Variants in GABRB1 observed in about 807,000 individuals in gnomAD.
The protein encoded by GABRB1 is gamma-aminobutyric acid type A receptor subunit beta1, also known as gamma-aminobutyric acid receptor subunit beta-1.
Under a neutral mutation model 51.6 loss-of-function variants are expected in GABRB1, and 17 were observed. The observed-to-expected ratio is 0.33, with a 90% CI of 0.23 to 0.49. GABRB1 has a LOEUF of 0.49. Among genes scored for constraint, GABRB1 ranks in the 20% least tolerant of loss-of-function variants. The pLI is 0.99. For missense variants in GABRB1, 410 were observed against 600.6 expected (o/e 0.68, Z 3.32); for synonymous variants, 247 against 218.9 (o/e 1.13, Z -1.14).
rs971420946 is a variant in GABRB1, at chr4:46,997,199, T to C, written c.-20+3273T>C. ...TTTTATCTTCACTCATTTCTTATTGTATGTATTTGAGGTATACAACAAGAT... is the reference window on the plus strand; with the variant it reads ...TTTTATCTTCACTCATTTCTTATTGCATGTATTTGAGGTATACAACAAGAT... On this transcript the variant is annotated intron_variant, in intron 1 of 3. Transcript: ENST00000513567. Among the ~76,000 whole-genome samples the C allele has an allele frequency of 1.8e-4, 28 of 152,072 alleles. 1 individual carries two copies. Among genetic ancestry groups the C allele is most frequent in the African/African-American group, 6.8e-4 (28 of 41,446 alleles).
At chr4:47,132,025 GT>G (rs922221749) in intron 3 of GABRB1, among the ~76,000 whole-genome samples, 1 of 151,826 alleles carries the variant, frequency 6.6e-6, no homozygotes, top group African/African-American at 2.4e-5. Context: ...GAATTTTCAT[GT>G]TTTTTTAAAC....
At chr4:47,037,557 G>GT (rs11436333) in intron 3 of GABRB1, among the ~76,000 whole-genome samples, 122,631 of 143,770 alleles carry the variant, frequency 0.85, 52,709 homozygotes, top group East Asian at 0.99. Context: ...GTTGTTTTTT[G>GT]TTTTTTTTTT....
chr4:47,373,799 C>T (rs1005559071), intron 5 of GABRB1, among the ~76,000 whole-genome samples: 2 of 151,960 alleles, frequency 1.3e-5, no homozygotes, highest in Admixed American at 6.6e-5. Context: ...GACACAGATA[C>T]ATAAAATTTG....
At chr4:47,411,374 T>C (rs1038761426) in intron 8 of GABRB1, among the ~76,000 whole-genome samples, 5 of 152,114 alleles carry the variant, frequency 3.3e-5, no homozygotes, top group African/African-American at 1.2e-4. Context: ...GGGCATTAGG[T>C]TGAGTGAAAA....
intron 4 of GABRB1, among the ~76,000 whole-genome samples, chr4:47,286,761 A>T (rs779896300): frequency 2.0e-5 from 3 of 152,240 alleles, no homozygotes; most frequent in African/African-American, 7.2e-5. Flanking sequence ...TGTTCAATGT[A>T]GACAATAAAT....
intron 3 of GABRB1, among the ~76,000 whole-genome samples, chr4:47,119,163 G>T (rs1204011179): frequency 6.6e-6 from 1 of 152,146 alleles, no homozygotes; most frequent in Non-Finnish European, 1.5e-5. Context: ...ATAGAATGGA[G>T]AGAGAATTAC....
chr4:47,396,495 T>C (rs963350018), intron 5 of GABRB1, among the ~76,000 whole-genome samples: 2 of 152,194 alleles, frequency 1.3e-5, no homozygotes, highest in Non-Finnish European at 2.9e-5. Context: ...GTATGCACAT[T>C]CTTCACAATT....
Position 47,358,756 on chromosome 4 carries a change from A to G in GABRB1, c.544+38547A>G, listed in dbSNP as rs564972864. Among the ~76,000 whole-genome samples the G allele has an allele frequency of 4.6e-5, 7 of 152,302 alleles. No homozygotes were observed. In the South Asian group the frequency reaches 1.0e-3, roughly 23 times the overall value. On this transcript the variant is annotated intron_variant, in intron 5 of 8. Coordinates refer to ENST00000295454, the MANE Select transcript of GABRB1 (RefSeq NM_000812.4). ...TGAATTTAGCGGTAGAGAAAACACA[A>G]TTCAGCCCATAACAGTAGTAATTTC...
chr4:47,313,322 C>A (rs1181600761), intron 4 of GABRB1, among the ~76,000 whole-genome samples: 2 of 152,086 alleles, frequency 1.3e-5, no homozygotes, highest in Non-Finnish European at 2.9e-5. Flanking sequence ...TTTTCACACA[C>A]CAGAATGAAA....
Position 47,031,727 on chromosome 4 carries a change from C to T in GABRB1, c.76C>T (p.His26Tyr). 6.2e-7 allele frequency: 1 copy of T among 1,612,832 alleles called. No homozygotes were observed. The highest frequency in any genetic ancestry group is 2.2e-5 in the East Asian group (1 of 44,846). The change falls in exon 1 of 9, where the codon CAC becomes TAC. Residue 26 changes from histidine (H) to tyrosine (Y), a missense_variant. Transcript: ENST00000295454. Reference sequence around the variant, plus strand: ...GATGATTACCATGGTCTGTTGTGCACACAGGTGAGCTGCTGTTGTTGAATC... The same window carrying T: ...GATGATTACCATGGTCTGTTGTGCATACAGGTGAGCTGCTGTTGTTGAATC... ...PVMITMVCCA[H>Y]STNEPSNMSY...
intron 3 of GABRB1, among the ~76,000 whole-genome samples, chr4:47,106,388 G>C (rs1300500561): frequency 1.3e-5 from 2 of 151,812 alleles, no homozygotes; most frequent in Non-Finnish European, 2.9e-5. Flanking sequence ...CAGTCTGAAG[G>C]CTTATGGAAC....
intron 3 of GABRB1, among the ~76,000 whole-genome samples, chr4:47,144,643 C>T (rs1029215840): frequency 4.6e-5 from 7 of 151,786 alleles, no homozygotes; most frequent in African/African-American, 1.4e-4. Context: ...TTAAGTGACT[C>T]GGTGACAGAA....
chr4:47,152,605 C>T (rs1717509087), intron 3 of GABRB1, among the ~76,000 whole-genome samples: 1 of 151,986 alleles, frequency 6.6e-6, no homozygotes, highest in African/African-American at 2.4e-5. Flanking sequence ...TTTCCTTGAG[C>T]CCTGTCTTCC....
At chr4:47,221,656 A>G (rs1403091633) in intron 4 of GABRB1, among the ~76,000 whole-genome samples, 2 of 151,898 alleles carry the variant, frequency 1.3e-5, no homozygotes, top group African/African-American at 2.4e-5. Flanking sequence ...GCAAATACTG[A>G]ACTATTGCTC....
intron 4 of GABRB1, among the ~76,000 whole-genome samples, chr4:47,300,475 T>C (rs1334267886): frequency 6.6e-6 from 1 of 152,124 alleles, no homozygotes; most frequent in East Asian, 1.9e-4. Flanking sequence ...TTTTTCATAA[T>C]CTTAAATATT....
intron 4 of GABRB1, among the ~76,000 whole-genome samples, chr4:47,222,464 C>A (rs185572729): frequency 9.9e-5 from 15 of 152,154 alleles, no homozygotes; most frequent in African/African-American, 3.4e-4. Flanking sequence ...ATGAAGCAAT[C>A]AGGGGTTTGA....
intron 3 of GABRB1, among the ~76,000 whole-genome samples, chr4:47,091,988 T>G (rs1334092321): frequency 6.6e-6 from 1 of 152,150 alleles, no homozygotes; most frequent in African/African-American, 2.4e-5. Context: ...TCAAAGATAC[T>G]TCCCATGATC....
chr4:47,225,622 T>G (rs1454830975), intron 4 of GABRB1, among the ~76,000 whole-genome samples: 1 of 152,140 alleles, frequency 6.6e-6, no homozygotes, highest in Non-Finnish European at 1.5e-5. Context: ...CATTCTATGC[T>G]TATTCTAGGA....
In GABRB1 at chr4:47,278,655, A is replaced by T. The variant is rs116832673; in HGVS notation, c.462-41472A>T. On this transcript the variant is annotated intron_variant, in intron 4 of 8. Transcript: ENST00000295454. ...CTGGCCCTCAATGTCAATTACCAAC[A>T]GACACCTGCTGATCATACGTTTCCA... 8.3e-3 allele frequency among the ~76,000 whole-genome samples: 1,270 copies of T among 152,264 alleles called. 17 individuals carry two copies. Among genetic ancestry groups the T allele is most frequent in the African/African-American group, 0.029 (1,194 of 41,560 alleles).
Sources: allele counts gnomAD v4.1 joint callset (sites outside exome capture counted in the v4.1 genomes callset), GRCh38; gene constraint gnomAD v4.1.1; transcripts MANE v1.5; gene names NCBI Gene and HGNC (gene_info 2026-07-23, HGNC 2026-07-21).